The following GNAS-AS1 variants were observed in gnomAD, a reference collection of about 807,000 sequenced individuals.
GNAS-AS1 encodes GNAS antisense RNA 1 (non-protein coding).
chr20:58,824,992 C>T (rs576851505), intron 4 of GNAS-AS1, among the ~76,000 whole-genome samples: 4 of 152,136 alleles, frequency 2.6e-5, no homozygotes, highest in Non-Finnish European at 5.9e-5. Context: ...GAGAAGTGCC[C>T]GGGCTCATCT....
chr20:58,835,977 G>C (rs2145461644), intron 4 of GNAS-AS1, among the ~76,000 whole-genome samples: 1 of 152,166 alleles, frequency 6.6e-6, no homozygotes, highest in African/African-American at 2.4e-5. Context: ...GCACACATCT[G>C]TTTGCCCTGT....
chr20:58,840,598 C>G lies in GNAS-AS1; in HGVS notation n.819+1339G>C, dbSNP rs772893248. The G allele has an allele frequency of 1.9e-6, 3 of 1,610,516 alleles. No homozygotes were observed. The highest frequency in any genetic ancestry group is 2.5e-6 in the Non-Finnish European group (3 of 1,178,764). On this transcript the variant is annotated intron_variant and non_coding_transcript_variant, in intron 4 of 4. Transcript: ENST00000424094. This position sits in a 1 kb window ranked among gnomAD's most constrained non-coding sequence, Gnocchi z 6.0. ...GCCAGTCCCTCACCCAGCGTCTGCA[C>G]GCTCTCAAGTTGCGAAGCCCCGACG...
chr20:58,840,718 C>G lies in GNAS-AS1; in HGVS notation n.819+1219G>C, dbSNP rs756663141. The G allele has an allele frequency of 2.5e-6, 4 of 1,603,492 alleles. No individual in the cohort carries two copies. Among genetic ancestry groups the G allele is most frequent in the Non-Finnish European group, 3.4e-6 (4 of 1,179,414 alleles). On this transcript the variant is annotated intron_variant and non_coding_transcript_variant, in intron 4 of 4. Coordinates refer to ENST00000424094, the Ensembl canonical transcript of GNAS-AS1. This position sits in a 1 kb window ranked among gnomAD's most constrained non-coding sequence, Gnocchi z 6.0. ...CCGAGGACAAAGATCCAAGGGACCC[C>G]GAAGAGTCGAAGGAGCCCAAGGAGG... is the stretch of plus-strand genomic sequence containing the variant.
intron 4 of GNAS-AS1, among the ~76,000 whole-genome samples, chr20:58,828,054 C>T (rs540719541): frequency 8.4e-4 from 128 of 152,278 alleles, no homozygotes; most frequent in Middle Eastern, 3.4e-3. Flanking sequence ...CTTTCTTGTA[C>T]CTTAATGCTC....
chr20:58,829,314 C>T (rs1427272797), intron 4 of GNAS-AS1, among the ~76,000 whole-genome samples: 1 of 152,246 alleles, frequency 6.6e-6, no homozygotes, highest in Non-Finnish European at 1.5e-5. Flanking sequence ...CCTCCCTAGA[C>T]CCAGCTACTA....
At chr20:58,830,468 ACCACCATC>A (rs2085555327) in intron 4 of GNAS-AS1, among the ~76,000 whole-genome samples, 1 of 92,304 alleles carries the variant, frequency 1.1e-5, no homozygotes, top group Non-Finnish European at 2.2e-5. Flanking sequence ...CCACCACCAC[ACCACCATC>A]ATCACCATCA....
Position 58,844,509 on chromosome 20 carries a change from G to C in GNAS-AS1, n.414-1964C>G, listed in dbSNP as rs201615302. 2.0e-5 allele frequency among the ~76,000 whole-genome samples: 3 copies of C among 152,316 alleles called. No individual in the cohort carries two copies. The East Asian group carries it at 5.8e-4, about 29-fold the overall frequency. The stretch of plus-strand genomic sequence containing the variant: ...CGAAAGGCCCAGGGCTAGCAGCCCA[G>C]GTTGCTTCTAGCCATGGTCAAGTGG... On this transcript the variant is annotated intron_variant and non_coding_transcript_variant, in intron 2 of 4. Coordinates refer to ENST00000424094, the Ensembl canonical transcript of GNAS-AS1.
At chr20:58,822,583 A>G (rs1167680528) in intron 4 of GNAS-AS1, among the ~76,000 whole-genome samples, 1 of 152,224 alleles carries the variant, frequency 6.6e-6, no homozygotes, top group Non-Finnish European at 1.5e-5. Context: ...CATACCATGT[A>G]TCTGGGTGAG....
intron 4 of GNAS-AS1, chr20:58,839,591 C>T (rs949915890): frequency 1.2e-5 from 5 of 409,784 alleles, no homozygotes; most frequent in Non-Finnish European, 2.2e-5. Flanking sequence ...AACAAGGTTC[C>T]CTCCTGCCAC....
rs148910090 is a variant in GNAS-AS1, at chr20:58,840,427, C to G, written n.819+1510G>C. Reference sequence around the variant, plus strand: ...AGTGCCTAGAGTACGAGGAAGAGTTCGACTACGAGACCGAGAGCGAGACCG... The same window carrying G: ...AGTGCCTAGAGTACGAGGAAGAGTTGGACTACGAGACCGAGAGCGAGACCG... On this transcript the variant is annotated intron_variant and non_coding_transcript_variant, in intron 4 of 4. Coordinates refer to ENST00000424094, the Ensembl canonical transcript of GNAS-AS1. The surrounding 1 kb of genome is among the most constrained non-coding windows in gnomAD (Gnocchi z 6.0). 1.9e-5 allele frequency: 31 copies of G among 1,613,362 alleles called. No individual in the cohort carries two copies. The highest frequency in any genetic ancestry group is 2.5e-5 in the Non-Finnish European group (30 of 1,179,866).
At chr20:58,839,701 C>T (rs1600652838) in intron 4 of GNAS-AS1, 2 of 471,824 alleles carry the variant, frequency 4.2e-6, no homozygotes, top group East Asian at 6.3e-5. Flanking sequence ...GGCAGAAGTC[C>T]GGGCGCGCAA....
chr20:58,843,514 T>A (rs2145489992), intron 2 of GNAS-AS1: 1 of 152,306 alleles, frequency 6.6e-6, no homozygotes, highest in Admixed American at 6.5e-5. Flanking sequence ...GGGGTTAGCA[T>A]CTGAATAGGC....
rs921623721 is a variant in GNAS-AS1 at position 58,841,990 on chromosome 20, C to T, written n.766G>A. 2.4e-5 allele frequency: 23 copies of T among 951,942 alleles called. No individual in the cohort carries two copies. Among genetic ancestry groups the T allele is most frequent in the Non-Finnish European group, 3.0e-5 (22 of 732,206 alleles). 59.0% of individuals were successfully genotyped at this position (951,942 alleles called of 1,614,324 possible). On this transcript the variant is annotated non_coding_transcript_exon_variant, in exon 4 of 5. Coordinates refer to ENST00000424094, the Ensembl canonical transcript of GNAS-AS1. This position sits in a 1 kb window ranked among gnomAD's most constrained non-coding sequence, Gnocchi z 5.0. ...CAGAGCTGGGGAAAGGTGTTGGATC[C>T]GGCGCCAGTCCTTGGACGATCAGTC...
At chr20:58,830,482 C>A (rs2085555862) in intron 4 of GNAS-AS1, among the ~76,000 whole-genome samples, 1 of 98,220 alleles carries the variant, frequency 1.0e-5, no homozygotes, top group Non-Finnish European at 2.1e-5. Context: ...CCATCATCAC[C>A]ATCACCACCA....
Position 58,840,268 on chromosome 20 carries a change from G to C in GNAS-AS1, n.819+1669C>G. The C allele has an allele frequency of 1.2e-6, 2 of 1,611,864 alleles. No homozygotes were observed. Among genetic ancestry groups the C allele is most frequent in the Non-Finnish European group, 1.7e-6 (2 of 1,179,884 alleles). The stretch of plus-strand genomic sequence containing the variant: ...CCACCTCCAACGCCCGTGCCCAGCA[G>C]CGCGCGGCTGCCCAACAGCGCCGGA... On this transcript the variant is annotated intron_variant and non_coding_transcript_variant, in intron 4 of 4. Coordinates refer to ENST00000424094, the Ensembl canonical transcript of GNAS-AS1. This position sits in a 1 kb window ranked among gnomAD's most constrained non-coding sequence, Gnocchi z 6.0.
chr20:58,841,363 C>T lies in GNAS-AS1; in HGVS notation n.819+574G>A, dbSNP rs552246657. 5.0e-5 allele frequency: 51 copies of T among 1,029,890 alleles called. No individual in the cohort carries two copies. In the African/African-American group the frequency reaches 8.6e-4, roughly 17 times the overall value. The allele number at this position is 1,029,890 out of a possible 1,614,324, so 63.8% of individuals were successfully genotyped here. A position where few individuals can be genotyped will look rare whatever the true frequency, so the allele number is the denominator to read the frequency against. On this transcript the variant is annotated intron_variant and non_coding_transcript_variant, in intron 4 of 4. Transcript: ENST00000424094. The surrounding 1 kb of genome is among the most constrained non-coding windows in gnomAD (Gnocchi z 5.0). ...TGAGAGCAGCCGCGCTGTAGAGACA[C>T]CGTTGAAATGTGCGGAAAGTAATCT...
At chr20:58,847,373 G>A (rs1476061329) in intron 2 of GNAS-AS1, among the ~76,000 whole-genome samples, 5 of 152,228 alleles carry the variant, frequency 3.3e-5, no homozygotes, top group Admixed American at 3.3e-4. Flanking sequence ...ATAGCAGTAT[G>A]CTGCTGCCTC....
In GNAS-AS1 at chr20:58,841,980, G is replaced by A; in HGVS notation, n.776C>T. On this transcript the variant is annotated non_coding_transcript_exon_variant, in exon 4 of 5. Coordinates refer to ENST00000424094, the Ensembl canonical transcript of GNAS-AS1. The surrounding 1 kb of genome is among the most constrained non-coding windows in gnomAD (Gnocchi z 5.0). Reference sequence around the variant, plus strand: ...GCGGTACGCGCAGAGCTGGGGAAAGGTGTTGGATCCGGCGCCAGTCCTTGG... The same window carrying A: ...GCGGTACGCGCAGAGCTGGGGAAAGATGTTGGATCCGGCGCCAGTCCTTGG... 13 of 1,031,614 alleles carry A rather than the reference G, an allele frequency of 1.3e-5. No individual in the cohort carries two copies. Among genetic ancestry groups the A allele is most frequent in the Non-Finnish European group, 1.6e-5 (13 of 805,160 alleles). The allele number at this position is 1,031,614 out of a possible 1,614,324, so 63.9% of individuals were successfully genotyped here. A position where few individuals can be genotyped will look rare whatever the true frequency, so the allele number is the denominator to read the frequency against.
intron 4 of GNAS-AS1, among the ~76,000 whole-genome samples, chr20:58,822,560 T>C (rs1227229716): frequency 6.6e-6 from 1 of 152,166 alleles, no homozygotes; most frequent in African/African-American, 2.4e-5. Flanking sequence ...AAAGAACTCC[T>C]GTGTGGTCGA....
Sources: allele counts gnomAD v4.1 joint callset (sites outside exome capture counted in the v4.1 genomes callset), GRCh38; gene constraint gnomAD v4.1.1; non-coding constraint Gnocchi (gnomAD v3.1); transcripts MANE v1.5; gene names NCBI Gene and HGNC (gene_info 2026-07-23, HGNC 2026-07-21).